The following CDAN1 variants were observed in gnomAD, a reference collection of about 807,000 sequenced individuals.
CDAN1 encodes codanin 1.
CDAN1 carries 107 observed loss-of-function variants against 139.8 expected under a neutral mutation model. The ratio of observed to expected loss-of-function variants is 0.77; its 90% CI spans 0.65 to 0.90. The LOEUF (loss-of-function observed/expected upper bound fraction) is 0.90, where lower values mean the gene tolerates loss of function less well. CDAN1 is among the 40% of genes least tolerant of loss of function. The pLI, the probability that CDAN1 is intolerant of heterozygous loss-of-function variation, is 0.00. For synonymous variants in CDAN1, 776 were observed against 660.6 expected (o/e 1.17, Z -2.68); for missense variants, 1,667 against 1,575.7 (o/e 1.06, Z -0.98).
chr15:42,728,507 T>C (rs2140473012), intron 20 of CDAN1, 145 bp downstream of exon 20: 3 of 1,243,888 alleles, frequency 2.4e-6, no homozygotes, highest in Non-Finnish European at 3.5e-6. Context: ...CTACAGCCAG[T>C]GCAGGGCTTA....
intron 6 of CDAN1, among the ~76,000 whole-genome samples, chr15:42,734,715 G>A (rs556659862): frequency 1.3e-5 from 2 of 151,888 alleles, no homozygotes; most frequent in East Asian, 1.9e-4. Context: ...CCCAGGCTCA[G>A]GAGATCCTTC....
rs761058443 is a variant in CDAN1 at position 42,725,167 on chromosome 15, G to GGCTGC, written c.3530_3534dup (p.Leu1179AlafsTer16). On this transcript the variant is annotated frameshift_variant, in exon 27 of 28. Coordinates refer to ENST00000356231, the MANE Select transcript of CDAN1 (RefSeq NM_138477.4). LOFTEE classifies it high-confidence loss of function. ...ACCCCTGGCCACTGGGCCTGGTGGA[G>GGCTGC]GCTGCCCAGGCAGGCCTCTATCTCC... 1 of 1,614,086 alleles carries GGCTGC rather than the reference G, an allele frequency of 6.2e-7. No individual in the cohort carries two copies. The highest frequency in any genetic ancestry group is 1.1e-5 in the South Asian group (1 of 91,086).
chr15:42,724,358 T>G lies in CDAN1; in HGVS notation c.*133A>C. ...GTGGGATGCCAGGCAGTGACACCCT[T>G]AGAGCAGGAAGTCTGACTGTAGACC... On this transcript the variant is annotated 3_prime_UTR_variant, in exon 28 of 28. Transcript: ENST00000356231. 8.1e-7 allele frequency: 1 copy of G among 1,230,108 alleles called. No individual in the cohort carries two copies. Among genetic ancestry groups the G allele is most frequent in the South Asian group, 1.3e-5 (1 of 77,216 alleles). The allele number at this position is 1,230,108 out of a possible 1,614,324, so 76.2% of individuals were successfully genotyped here.
rs778478045 is a variant in CDAN1, at chr15:42,725,568, TCTTC to T, written c.3367_3370del (p.Glu1123ThrfsTer12). On this transcript the variant is annotated frameshift_variant, in exon 26 of 28. Transcript: ENST00000356231. LOFTEE classifies it high-confidence loss of function. Reference sequence around the variant, plus strand: ...CTGCAGCGGAACCGGCCCCTGAAAGTCTTCCTTCCACAAGGAAAGCAGCATGTGC... The same window carrying T: ...CTGCAGCGGAACCGGCCCCTGAAAGTCTTCCACAAGGAAAGCAGCATGTGC... 1.9e-6 allele frequency: 3 copies of T among 1,614,148 alleles called. No homozygotes were observed. Among genetic ancestry groups the T allele is most frequent in the South Asian group, 1.1e-5 (1 of 91,080 alleles).
rs1388499553 is a variant in CDAN1 at position 42,730,926 on chromosome 15, T to A, written c.2006A>T (p.Gln669Leu). Residue 669 changes from glutamine to leucine, a missense_variant and splice_region_variant, in exon 13 of 28, where the codon CAG becomes CTG. Gln to Leu is a moderately radical substitution (Grantham distance 113, BLOSUM62 -2). Coordinates refer to ENST00000356231, the MANE Select transcript of CDAN1 (RefSeq NM_138477.4). ...CACCAGAATCCCCCGCCCATTCACC[T>A]GGCTCCTGAGGGCCAGAATGGAGTC... ...LQDSILALRS[Q>L]VPPVLDVRTL... 1 of 1,614,146 alleles carries A rather than the reference T, an allele frequency of 6.2e-7. No homozygotes were observed. Among genetic ancestry groups the A allele is most frequent in the Non-Finnish European group, 8.5e-7 (1 of 1,180,016 alleles).
Position 42,729,095 on chromosome 15 carries a change from T to TG in CDAN1, c.2572dup (p.Gln858ProfsTer146). The TG allele has an allele frequency of 6.2e-7, 1 of 1,614,188 alleles. No individual in the cohort carries two copies. Among genetic ancestry groups the TG allele is most frequent in the Non-Finnish European group, 8.5e-7 (1 of 1,180,042 alleles). ...TACGGTCCGGCGCAAGGAGGGCGGC[T>TG]GGTTGTGGAAAAAGGCCTGGGCGAG... is the stretch of plus-strand genomic sequence containing the variant. On this transcript the variant is annotated frameshift_variant, in exon 19 of 28. Coordinates refer to ENST00000356231, the MANE Select transcript of CDAN1 (RefSeq NM_138477.4). LOFTEE classifies it high-confidence loss of function.
At chr15:42,732,245 G>T (rs1334626337) in intron 10 of CDAN1, 88 bp downstream of exon 10, 1 of 1,249,158 alleles carries the variant, frequency 8.0e-7, no homozygotes, top group Non-Finnish European at 1.2e-6. Flanking sequence ...CTGCCAGGCT[G>T]TCTGCCCTAT....
In CDAN1 at chr15:42,724,725, C is replaced by T. The variant is rs2061499936; in HGVS notation, c.3559-109G>A. On this transcript the variant is annotated intron_variant, in intron 27 of 27. Coordinates refer to ENST00000356231, the MANE Select transcript of CDAN1 (RefSeq NM_138477.4). The stretch of plus-strand genomic sequence containing the variant: ...GGCTGGCTATATTATTTTTTCTCAA[C>T]TGCCCTCCACACTGAAATGGACATG... 4 of 1,285,458 alleles carry T rather than the reference C, an allele frequency of 3.1e-6. No individual in the cohort carries two copies. The Admixed American group carries it at 8.0e-5, about 26-fold the overall frequency. 79.6% of individuals were successfully genotyped at this position (1,285,458 alleles called of 1,614,324 possible). A position where few individuals can be genotyped will look rare whatever the true frequency, so the allele number is the denominator to read the frequency against.
chr15:42,736,106 C>T, intron 2 of CDAN1, 28 bp from the exon 3 acceptor site: 1 of 1,611,958 alleles, frequency 6.2e-7, no homozygotes, highest in South Asian at 1.1e-5. Context: ...AGGTTTTTCT[C>T]AAATTCCTAT....
intron 2 of CDAN1, 78 bp downstream of exon 2, chr15:42,736,224 T>G (rs1189129040): frequency 6.3e-7 from 1 of 1,592,696 alleles, no homozygotes; most frequent in African/African-American, 1.3e-5. Context: ...GGCGCTCCAC[T>G]GCGGAGCGCC....
intron 2 of CDAN1, 45 bp downstream of exon 2, chr15:42,736,257 A>G: frequency 1.2e-6 from 2 of 1,610,946 alleles, no homozygotes; most frequent in Non-Finnish European, 1.7e-6. Context: ...CTGACTCCCC[A>G]GAGCCTTCGT....
Position 42,730,725 on chromosome 15 carries a change from C to T in CDAN1, c.2047G>A (p.Gly683Arg), listed in dbSNP as rs1309363910. The change falls in exon 14 of 28, where the codon GGG (glycine) becomes AGG (arginine). Residue 683 changes from glycine to arginine, a missense_variant. Physicochemically the swap from Gly to Arg is moderately radical, Grantham distance 125. Coordinates refer to ENST00000356231, the MANE Select transcript of CDAN1 (RefSeq NM_138477.4). ...AGCACCGCCCGGCGGGCCTGCAGCC[C>T]TCGCTGCAGCAGAGTCCGCACATCC... ...VLDVRTLLQR[G>R]LQARRAVLTV... The T allele has an allele frequency of 6.2e-7, 1 of 1,612,858 alleles. No individual in the cohort carries two copies. The highest frequency in any genetic ancestry group is 1.3e-5 in the African/African-American group (1 of 75,054).
At chr15:42,733,209 C>A (rs769861700) in intron 8 of CDAN1, 23 bp from the exon 9 acceptor site, 1 of 1,604,018 alleles carries the variant, frequency 6.2e-7, no homozygotes, top group South Asian at 1.1e-5. Context: ...AACGCCTGAT[C>A]AGCCGAGGCA....
At chr15:42,734,111 C>CT in intron 7 of CDAN1, 64 bp from the exon 8 acceptor site, 1 of 1,599,090 alleles carries the variant, frequency 6.3e-7, no homozygotes, top group East Asian at 2.2e-5. Flanking sequence ...CCCTCTTATT[C>CT]TTGCCCAGAG....
intron 9 of CDAN1, 91 bp downstream of exon 9, chr15:42,733,006 G>T: frequency 9.8e-7 from 1 of 1,022,334 alleles, no homozygotes. Context: ...GTAGGAGCGG[G>T]GAAAACCTTC....
At chr15:42,726,961 C>T (rs1033172206) in intron 23 of CDAN1, 4 of 160,132 alleles carry the variant, frequency 2.5e-5, no homozygotes, top group African/African-American at 7.2e-5. Context: ...AGATCATTAC[C>T]CTAGACCAGA....
Position 42,736,919 on chromosome 15 carries a change from C to T in CDAN1, c.90+94G>A, listed in dbSNP as rs1041588570. The T allele has an allele frequency of 4.1e-6, 6 of 1,475,324 alleles. No homozygotes were observed. In the African/African-American group the frequency reaches 7.3e-5, roughly 18 times the overall value. 91.4% of individuals were successfully genotyped at this position (1,475,324 alleles called of 1,614,324 possible). On this transcript the variant is annotated intron_variant, in intron 1 of 27. Transcript: ENST00000356231. ...GTTGGAGTGCACTCGGCCCGGCTGG[C>T]AGCCAGGCGCCCTAGAGGAAGGGGA... is the stretch of plus-strand genomic sequence containing the variant.
At chr15:42,735,711 G>T in intron 3 of CDAN1, 32 bp from the exon 4 acceptor site, 1 of 1,611,916 alleles carries the variant, frequency 6.2e-7, no homozygotes, top group Non-Finnish European at 8.5e-7. Context: ...TGAGCAGTCA[G>T]CTTGGCTTCC....
chr15:42,729,173 T>TCCCCCCCCCCCA, intron 18 of CDAN1, 47 bp from the exon 19 acceptor site: 6 of 1,595,094 alleles, frequency 3.8e-6, no homozygotes, highest in Non-Finnish European at 5.2e-6. Flanking sequence ...AGCCTCCCTG[T>TCCCCCCCCCCCA]CCCCGCCCCC....
Sources: allele counts gnomAD v4.1 joint callset (sites outside exome capture counted in the v4.1 genomes callset), GRCh38; gene constraint gnomAD v4.1.1; transcripts MANE v1.5; gene names NCBI Gene and HGNC (gene_info 2026-07-23, HGNC 2026-07-21).